The following MPDZ variants were observed in gnomAD, a reference collection of about 807,000 sequenced individuals.
MPDZ encodes multiple PDZ domain protein.
A neutral mutation model predicts 239.1 loss-of-function variants in MPDZ; 234 were observed. That is an observed-to-expected ratio of 0.98 (90% confidence interval 0.88 to 1.09). The LOEUF (loss-of-function observed/expected upper bound fraction) is 1.09, where lower values mean the gene tolerates loss of function less well. Among genes scored for constraint, MPDZ ranks in the 50% least tolerant of loss-of-function variants. MPDZ has a pLI of 0.00. For synonymous variants in MPDZ, 1,048 were observed against 881.3 expected, an observed-to-expected ratio of 1.19 and a Z score of -3.35; for missense variants, 3,175 against 2,510.0, an observed-to-expected ratio of 1.26 and a Z score of -5.66.
At chr9:13,173,570 G>A (rs1378742115) in intron 21 of MPDZ, among the ~76,000 whole-genome samples, 3 of 151,910 alleles carry the variant, frequency 2.0e-5, no homozygotes, top group Non-Finnish European at 4.4e-5. Context: ...GGGCATGGTG[G>A]CAGAGGCCTG....
At chr9:13,168,625 T>C (rs1332701548) in intron 21 of MPDZ, 61 bp from the exon 22 acceptor site, 5 of 1,195,040 alleles carry the variant, frequency 4.2e-6, no homozygotes, top group Non-Finnish European at 5.8e-6. Context: ...CATTTTAATT[T>C]GAATTTAATA....
At chr9:13,125,915 A>T (rs1490847761) in intron 34 of MPDZ, among the ~76,000 whole-genome samples, 5 of 152,236 alleles carry the variant, frequency 3.3e-5, no homozygotes, top group African/African-American at 1.2e-4. Context: ...ATTTTTAAAA[A>T]GTAACTTTAA....
At chr9:13,251,432 C>T (rs1348516558) in intron 1 of MPDZ, among the ~76,000 whole-genome samples, 9 of 152,194 alleles carry the variant, frequency 5.9e-5, no homozygotes, top group Non-Finnish European at 4.4e-5. Flanking sequence ...CTAACATCCA[C>T]GTCACTAACC....
chr9:13,273,816 T>C lies in MPDZ; in HGVS notation c.-58+5584A>G, dbSNP rs190105741. 2.0e-4 allele frequency among the ~76,000 whole-genome samples: 31 copies of C among 152,334 alleles called. No homozygotes were observed. In the East Asian group the frequency reaches 4.8e-3, roughly 24 times the overall value. ...TTAATTTTAAGCAGAAATCAAAATT[T>C]TTTAAAATACGTTCTCCACTGGTAT... On this transcript the variant is annotated intron_variant, in intron 1 of 46. Coordinates refer to ENST00000319217, the MANE Select transcript of MPDZ (RefSeq NM_001378778.1).
At chr9:13,182,402 C>A (rs1254096173) in intron 19 of MPDZ, among the ~76,000 whole-genome samples, 1 of 152,100 alleles carries the variant, frequency 6.6e-6, no homozygotes, top group Non-Finnish European at 1.5e-5. Flanking sequence ...GTATTAGACA[C>A]ATAGCTAAAT....
intron 1 of MPDZ, 130 bp from the exon 2 acceptor site, chr9:13,250,502 T>A (rs1360740597): frequency 1.9e-6 from 1 of 522,168 alleles, no homozygotes; most frequent in Non-Finnish European, 3.3e-6. Flanking sequence ...CAACTTAAGA[T>A]AGTTCGCTTT....
chr9:13,124,375 A>G (rs1345799534), intron 35 of MPDZ, among the ~76,000 whole-genome samples: 2 of 152,198 alleles, frequency 1.3e-5, no homozygotes, highest in African/African-American at 4.8e-5. Context: ...CAACTACATT[A>G]CAAATGATTT....
At chr9:13,142,175 T>C (rs570438415) in intron 27 of MPDZ, among the ~76,000 whole-genome samples, 72 of 152,270 alleles carry the variant, frequency 4.7e-4, no homozygotes, top group African/African-American at 1.7e-3. Flanking sequence ...AACAAATCTA[T>C]AGATGACATT....
intron 10 of MPDZ, among the ~76,000 whole-genome samples, chr9:13,211,353 C>A (rs1957595560): frequency 6.6e-6 from 1 of 152,090 alleles, no homozygotes. Context: ...CTTTGTCCAA[C>A]ATATTTGTTA....
intron 5 of MPDZ, among the ~76,000 whole-genome samples, chr9:13,222,965 A>T (rs1959229135): frequency 6.6e-6 from 1 of 152,112 alleles, no homozygotes; most frequent in Admixed American, 6.6e-5. Context: ...CAAAAAAAAT[A>T]ATGCCACAAC....
chr9:13,243,266 A>G (rs1965840311), intron 3 of MPDZ, among the ~76,000 whole-genome samples: 1 of 152,180 alleles, frequency 6.6e-6, no homozygotes, highest in Admixed American at 6.5e-5. Context: ...AATGAATATA[A>G]GAATATGAGC....
chr9:13,172,607 G>C (rs1771136946), intron 21 of MPDZ, among the ~76,000 whole-genome samples: 1 of 152,074 alleles, frequency 6.6e-6, no homozygotes, highest in African/African-American at 2.4e-5. Flanking sequence ...GACTGGTCTT[G>C]AACTCCTGAC....
chr9:13,133,426 CTT>C (rs1946293227), intron 32 of MPDZ, among the ~76,000 whole-genome samples: 1 of 152,138 alleles, frequency 6.6e-6, no homozygotes, highest in South Asian at 2.1e-4. Flanking sequence ...TATGAGCTTT[CTT>C]ATTTTTAAAG....
rs1263068727 is a variant in MPDZ at position 13,196,181 on chromosome 9, T to C, written c.1596A>G (p.Lys532=). ...AEIEEIEDAQ[K]QEAALLTKWQ... ...ATTTTGTCAGCAGAGCAGCTTCTTG[T>C]TTTTGTGCATCTTCTATTTCTTCTA... Residue 532 remains lysine, a synonymous_variant, in exon 13 of 47, where the codon AAA becomes AAG. Transcript: ENST00000319217. 15 of 1,603,092 alleles carry C rather than the reference T, an allele frequency of 9.4e-6. No individual in the cohort carries two copies. The highest frequency in any genetic ancestry group is 1.3e-5 in the Non-Finnish European group (15 of 1,173,812).
intron 37 of MPDZ, 56 bp downstream of exon 37, chr9:13,122,030 TC>T (rs1232472676): frequency 1.2e-5 from 20 of 1,602,072 alleles, no homozygotes; most frequent in Non-Finnish European, 1.7e-5. Context: ...AAAGAAACAC[TC>T]CCCCCAGGAG....
intron 24 of MPDZ, among the ~76,000 whole-genome samples, chr9:13,155,544 T>C (rs1949713451): frequency 6.6e-6 from 1 of 152,108 alleles, no homozygotes; most frequent in Admixed American, 6.6e-5. Context: ...ACGTCAAGAA[T>C]TGAGAGAAAA....
intron 39 of MPDZ, among the ~76,000 whole-genome samples, chr9:13,115,544 G>A (rs1245714195): frequency 1.3e-5 from 2 of 152,156 alleles, no homozygotes; most frequent in East Asian, 3.9e-4. Context: ...GCAACACCAA[G>A]TGTTTACCTT....
chr9:13,228,864 A>G (rs944969045), intron 3 of MPDZ, among the ~76,000 whole-genome samples: 1 of 152,196 alleles, frequency 6.6e-6, no homozygotes, highest in Non-Finnish European at 1.5e-5. Flanking sequence ...TAAAATAAAT[A>G]CAACTGGTAC....
chr9:13,149,574 G>C (rs951484131), intron 25 of MPDZ, among the ~76,000 whole-genome samples: 3 of 151,982 alleles, frequency 2.0e-5, no homozygotes, highest in African/African-American at 7.2e-5. Flanking sequence ...ACACTGTTCT[G>C]AAGTGACTTG....
Sources: allele counts gnomAD v4.1 joint callset (sites outside exome capture counted in the v4.1 genomes callset), GRCh38; gene constraint gnomAD v4.1.1; transcripts MANE v1.5; gene names NCBI Gene and HGNC (gene_info 2026-07-23, HGNC 2026-07-21).